The following HSD17B14 variants were observed in gnomAD, a reference collection of about 807,000 sequenced individuals.
The protein encoded by HSD17B14 is hydroxysteroid 17-beta dehydrogenase 14, also known as L-fucose dehydrogenase.
HSD17B14 carries 32 observed loss-of-function variants against 32.2 expected under a neutral mutation model. That is an observed-to-expected ratio of 0.99 (90% CI 0.75 to 1.33). The LOEUF (loss-of-function observed/expected upper bound fraction) is 1.33, where lower values mean the gene tolerates loss of function less well. Among genes scored for constraint, HSD17B14 ranks in the 40% most tolerant of loss-of-function variants. HSD17B14 has a pLI of 0.00. For synonymous variants in HSD17B14, 140 were observed against 155.4 expected (o/e 0.90, Z 0.74); for missense variants, 370 against 366.5 (o/e 1.01, Z -0.08).
rs2035031105 is a variant in HSD17B14 at position 48,815,155 on chromosome 19, A to T, written c.370-14T>A. ...GGGGAGGGCGAGCTAGGGAGACAAG[A>T]GGCCAAGTAAGCTACACAAGCCCTG... On this transcript the variant is annotated splice_polypyrimidine_tract_variant and intron_variant, in intron 5 of 8. Transcript: ENST00000263278. 1.1e-5 allele frequency: 17 copies of T among 1,594,070 alleles called. No homozygotes were observed. Among genetic ancestry groups the T allele is most frequent in the Non-Finnish European group, 1.3e-5 (15 of 1,161,942 alleles).
chr19:48,835,390 G>T (rs1249176572), intron 2 of HSD17B14, among the ~76,000 whole-genome samples: 4 of 134,528 alleles, frequency 3.0e-5, no homozygotes, highest in Non-Finnish European at 4.8e-5. Flanking sequence ...GGACTCCTGG[G>T]TCTGAGAAAG....
intron 3 of HSD17B14, 165 bp from the exon 4 acceptor site, chr19:48,832,897 G>C: frequency 1.6e-6 from 1 of 633,198 alleles, no homozygotes; most frequent in Non-Finnish European, 2.8e-6. Context: ...GGGATTACAG[G>C]CGACTGCCAC....
chr19:48,815,215 A>G (rs1175241333), intron 5 of HSD17B14, 74 bp from the exon 6 acceptor site: 1 of 1,134,754 alleles, frequency 8.8e-7, no homozygotes, highest in Non-Finnish European at 1.3e-6. Context: ...AGCCACAGCC[A>G]TCCTGATGTC....
chr19:48,826,386 C>T (rs1198811673), intron 5 of HSD17B14, among the ~76,000 whole-genome samples: 5 of 144,886 alleles, frequency 3.5e-5, no homozygotes, highest in South Asian at 4.5e-4. Flanking sequence ...CTCAGGTCCT[C>T]GGGAGGCTGA....
chr19:48,821,970 G>T lies in HSD17B14; in HGVS notation c.370-6829C>A, dbSNP rs2035158769. On this transcript the variant is annotated intron_variant, in intron 5 of 8. Transcript: ENST00000263278. Reference sequence around the variant, plus strand: ...TAATGATGGTTACGATTGTGGTAATGATGGTGATGATTGTGGTAATGGTGA... The same window carrying T: ...TAATGATGGTTACGATTGTGGTAATTATGGTGATGATTGTGGTAATGGTGA... 4.8e-5 allele frequency among the ~76,000 whole-genome samples: 7 copies of T among 147,092 alleles called. No individual in the cohort carries two copies. The South Asian group carries it at 1.5e-3, about 32-fold the overall frequency.
Position 48,813,132 on chromosome 19 carries a change from G to A in HSD17B14, c.*43C>T. 1 of 1,411,590 alleles carries A rather than the reference G, an allele frequency of 7.1e-7. No individual in the cohort carries two copies. The highest frequency in any genetic ancestry group is 9.7e-7 in the Non-Finnish European group (1 of 1,029,368). 87.4% of individuals were successfully genotyped at this position (1,411,590 alleles called of 1,614,324 possible). On this transcript the variant is annotated 3_prime_UTR_variant, in exon 9 of 9. Transcript: ENST00000263278. ...TCTGATACAGGTTGGAGTTTGGGGT[G>A]GGAGAGTCCTAGGAAGGGGGCCCCA...
chr19:48,815,628 G>A (rs1454409926), intron 5 of HSD17B14, among the ~76,000 whole-genome samples: 3 of 151,964 alleles, frequency 2.0e-5, no homozygotes, highest in Non-Finnish European at 2.9e-5. Context: ...CTCCCCGCTC[G>A]GCCTCCCAAA....
At chr19:48,834,436 TGAGGGAGGAGGTG>T in intron 2 of HSD17B14, 78 bp from the exon 3 acceptor site, 1 of 862,506 alleles carries the variant, frequency 1.2e-6, no homozygotes, top group African/African-American at 1.8e-5. Context: ...CTCCTGGGTC[TGAGGGAGGAGGTG>T]CTGGGGGCCT....
At chr19:48,815,747 C>A (rs56319547) in intron 5 of HSD17B14, among the ~76,000 whole-genome samples, 21,522 of 152,026 alleles carry the variant, frequency 0.14, 2,043 homozygotes, top group Non-Finnish European at 0.21. Flanking sequence ...CTAGACCAGG[C>A]ACAGTGTCTC....
chr19:48,813,467 T>C lies in HSD17B14; in HGVS notation c.628A>G (p.Met210Val). The change falls in exon 8 of 9, where the codon ATG (methionine) becomes GTG (valine). Residue 210 changes from methionine (M) to valine (V), a missense_variant. Transcript: ENST00000263278. ...AACCCCACTTCTACCTGGGCCAGCA[T>C]GCCCTCTCGGATTGTGGCCCTAGGG... Reference protein sequence around the residue: ...PDPRATIREGMLAQPLGRMGQ... With the variant: ...PDPRATIREGVLAQPLGRMGQ... 6.2e-7 allele frequency: 1 copy of C among 1,612,358 alleles called. No individual in the cohort carries two copies. The highest frequency in any genetic ancestry group is 8.5e-7 in the Non-Finnish European group (1 of 1,179,298).
chr19:48,813,407 C>T (rs2122726591), intron 8 of HSD17B14, 49 bp downstream of exon 8: 4 of 1,562,402 alleles, frequency 2.6e-6, no homozygotes, highest in Non-Finnish European at 3.5e-6. Flanking sequence ...CGCCATGCCC[C>T]CCACCCCCAT....
intron 5 of HSD17B14, among the ~76,000 whole-genome samples, chr19:48,816,830 T>TTC (rs1209324599): frequency 6.7e-6 from 1 of 149,822 alleles, no homozygotes; most frequent in African/African-American, 2.5e-5. Context: ...TTTCTTTTCT[T>TTC]TCTCTCTCTC....
Position 48,832,714 on chromosome 19 carries a change from T to C in HSD17B14, c.229A>G (p.Ile77Val), listed in dbSNP as rs144132021. The C allele has an allele frequency of 1.9e-5, 30 of 1,611,656 alleles. No individual in the cohort carries two copies. The African/African-American group carries it at 3.2e-4, about 17-fold the overall frequency. ...DDVKTLVSETIRRFGRLDCVV... is the reference protein window; with the variant it reads ...DDVKTLVSETVRRFGRLDCVV... ...CAATCCAGGCGGCCAAATCGGCGGA[T>C]GGTCTCAGAAACCAGGGTCTGAGGA... Residue 77 changes from isoleucine to valine, a missense_variant, in exon 4 of 9, where the codon ATC becomes GTC. Coordinates refer to ENST00000263278, the MANE Select transcript of HSD17B14 (RefSeq NM_016246.3).
chr19:48,832,585 C>T, intron 4 of HSD17B14, 81 bp downstream of exon 4: 1 of 1,218,906 alleles, frequency 8.2e-7, no homozygotes, highest in Non-Finnish European at 1.2e-6. Flanking sequence ...GAATCAGGGG[C>T]AGGGAGTGGG....
At chr19:48,826,528 A>AAAATATAT (rs777368104) in intron 5 of HSD17B14, among the ~76,000 whole-genome samples, 1 of 23,096 alleles carries the variant, frequency 4.3e-5, no homozygotes, top group Non-Finnish European at 8.7e-5. Context: ...AAAAGAAGAA[A>AAAATATAT]ATATATATAT....
chr19:48,826,910 A>G (rs1599838216), intron 5 of HSD17B14, among the ~76,000 whole-genome samples: 1 of 152,006 alleles, frequency 6.6e-6, no homozygotes, highest in East Asian at 1.9e-4. Context: ...CCCAATGCCC[A>G]TTCCCACCAG....
chr19:48,826,540 T>TACACACAC, intron 5 of HSD17B14, among the ~76,000 whole-genome samples: 2 of 93,440 alleles, frequency 2.1e-5, no homozygotes, highest in African/African-American at 1.2e-4. Context: ...TATATATATA[T>TACACACAC]ATACACACAC....
chr19:48,825,237 C>CAAA (rs60266504), intron 5 of HSD17B14, among the ~76,000 whole-genome samples: 23,156 of 88,538 alleles, frequency 0.26, 2,595 homozygotes, highest in East Asian at 0.38. Flanking sequence ...GACTCCGTCG[C>CAAA]AAAAAAAAAA....
At chr19:48,817,244 C>T (rs2035072895) in intron 5 of HSD17B14, among the ~76,000 whole-genome samples, 1 of 151,548 alleles carries the variant, frequency 6.6e-6, no homozygotes, top group Non-Finnish European at 1.5e-5. Context: ...GTGATGTCAT[C>T]TTGGCTCACT....
Sources: gnomAD v4.1 joint callset for allele counts (sites outside exome capture counted in the v4.1 genomes callset) on GRCh38, gnomAD v4.1.1 for gene constraint, MANE v1.5 for transcripts, NCBI Gene and HGNC (gene_info 2026-07-23, HGNC 2026-07-21) for gene names.